SNTG1: variants seen among roughly 807,000 people sequenced by gnomAD.
The protein encoded by SNTG1 is syntrophin gamma 1.
Under a neutral mutation model 74.7 loss-of-function variants are expected in SNTG1, and 39 were observed. The ratio of observed to expected loss-of-function variants is 0.52; its 90% CI spans 0.40 to 0.68. SNTG1 has a LOEUF of 0.68. SNTG1 is among the 30% of genes least tolerant of loss of function. The pLI, the probability that SNTG1 is intolerant of heterozygous loss-of-function variation, is 0.00. For synonymous variants in SNTG1, 254 were observed against 217.1 expected, an observed-to-expected ratio of 1.17 and a Z score of -1.49; for missense variants, 685 against 609.5, an observed-to-expected ratio of 1.12 and a Z score of -1.30.
At chr8:50,082,458 T>G (rs549046168) in intron 1 of SNTG1, among the ~76,000 whole-genome samples, 1 of 152,320 alleles carries the variant, frequency 6.6e-6, no homozygotes, top group South Asian at 2.1e-4. Context: ...TTGTGAAGTC[T>G]TTCTTCCTGA....
chr8:50,788,212 A>G (rs917827367), intron 18 of SNTG1, among the ~76,000 whole-genome samples: 5 of 152,116 alleles, frequency 3.3e-5, no homozygotes, highest in Non-Finnish European at 5.9e-5. Context: ...GGCCTGGAAG[A>G]AGAGATGACA....
intron 8 of SNTG1, among the ~76,000 whole-genome samples, chr8:50,476,851 C>T (rs1196178436): frequency 8.8e-6 from 1 of 113,202 alleles, no homozygotes; most frequent in Non-Finnish European, 1.8e-5. Context: ...GCCTGTGACA[C>T]ACACAGACAC....
intron 12 of SNTG1, among the ~76,000 whole-genome samples, chr8:50,554,477 C>CTT (rs11435822): frequency 4.0e-4 from 56 of 141,188 alleles, no homozygotes; most frequent in South Asian, 2.3e-3. Flanking sequence ...ACAGATTTTC[C>CTT]TTTTTTTTTT....
At chr8:49,945,014 C>A (rs1379956761) in intron 1 of SNTG1, among the ~76,000 whole-genome samples, 3 of 152,064 alleles carry the variant, frequency 2.0e-5, no homozygotes, top group Admixed American at 6.6e-5. Flanking sequence ...TATATTCTTA[C>A]TTCTTTAATC....
At chr8:50,791,674 A>T (rs1391476907) in intron 18 of SNTG1, among the ~76,000 whole-genome samples, 1 of 151,870 alleles carries the variant, frequency 6.6e-6, no homozygotes, top group Admixed American at 6.6e-5. Context: ...TTTATTACAT[A>T]TATGTAGTGA....
chr8:50,057,899 T>C lies in SNTG1; in HGVS notation c.-102-114662T>C, dbSNP rs1586085986. 2.0e-5 allele frequency among the ~76,000 whole-genome samples: 3 copies of C among 152,278 alleles called. No homozygotes were observed. The South Asian group carries it at 6.2e-4, about 32-fold the overall frequency. On this transcript the variant is annotated intron_variant, in intron 1 of 18. Transcript: ENST00000642720. ...GAATAATATGCACACAGTTTTTGAA[T>C]GATATGTTTTTCAGACAGTGATAGT...
intron 2 of SNTG1, among the ~76,000 whole-genome samples, chr8:50,221,416 A>G (rs2085059278): frequency 1.3e-5 from 2 of 151,878 alleles, no homozygotes; most frequent in South Asian, 4.1e-4. Context: ...ATATAAGATC[A>G]ACGTGGCAAA....
chr8:50,780,216 T>C (rs370640757), intron 18 of SNTG1, among the ~76,000 whole-genome samples: 1 of 152,176 alleles, frequency 6.6e-6, no homozygotes, highest in South Asian at 2.1e-4. Context: ...TGCTGGCCTC[T>C]TAAAATGAGT....
intron 13 of SNTG1, among the ~76,000 whole-genome samples, chr8:50,616,642 A>G (rs1436988944): frequency 1.3e-5 from 2 of 152,120 alleles, no homozygotes; most frequent in Non-Finnish European, 2.9e-5. Flanking sequence ...CCTCCCCCTC[A>G]GCTTCTCAGA....
intron 2 of SNTG1, among the ~76,000 whole-genome samples, chr8:50,259,647 A>G (rs1352232815): frequency 1.3e-5 from 2 of 152,142 alleles, no homozygotes; most frequent in Non-Finnish European, 2.9e-5. Context: ...ATCTTAAAAG[A>G]ACGACTAAAG....
rs1354327220 is a variant in SNTG1, at chr8:49,912,189, C to A, written c.-145C>A. 1 of 152,120 alleles carries A rather than the reference C, an allele frequency of 6.6e-6. No individual in the cohort carries two copies. Among genetic ancestry groups the A allele is most frequent in the Non-Finnish European group, 1.5e-5 (1 of 68,028 alleles). 9.4% of individuals were successfully genotyped at this position (152,120 alleles called of 1,614,324 possible). On this transcript the variant is annotated 5_prime_UTR_variant, in exon 1 of 19. Transcript: ENST00000642720. ...GGGTGGAGAGCTACTCAAAATTCTA[C>A]GTTAGAGAGACTGAAAAGACATCTA... is the stretch of plus-strand genomic sequence containing the variant.
chr8:50,293,415 T>A (rs916128619), intron 2 of SNTG1, among the ~76,000 whole-genome samples: 1 of 148,560 alleles, frequency 6.7e-6, no homozygotes, highest in African/African-American at 2.4e-5. Context: ...TTTTTTTTTT[T>A]TCTTTTTTTT....
chr8:50,211,440 T>C (rs2084517527), intron 2 of SNTG1, among the ~76,000 whole-genome samples: 1 of 152,144 alleles, frequency 6.6e-6, no homozygotes, highest in African/African-American at 2.4e-5. Flanking sequence ...ATGTACTTGG[T>C]GCCATGCATT....
chr8:50,108,582 T>G (rs561698305), intron 1 of SNTG1, among the ~76,000 whole-genome samples: 1 of 152,270 alleles, frequency 6.6e-6, no homozygotes, highest in Non-Finnish European at 1.5e-5. Context: ...CCACAAAACT[T>G]TCGGTAAAAT....
At chr8:50,133,977 C>T (rs927021268) in intron 1 of SNTG1, among the ~76,000 whole-genome samples, 6 of 152,184 alleles carry the variant, frequency 3.9e-5, no homozygotes, top group Non-Finnish European at 8.8e-5. Flanking sequence ...GCCTGGGATG[C>T]TTAGCAAGAC....
intron 18 of SNTG1, among the ~76,000 whole-genome samples, chr8:50,785,880 ATACACCG>A (rs1363585521): frequency 6.6e-6 from 1 of 152,020 alleles, no homozygotes; most frequent in Non-Finnish European, 1.5e-5. Flanking sequence ...AATCAGAGCA[ATACACCG>A]TATTAATTGA....
chr8:50,250,788 G>C (rs141138740), intron 2 of SNTG1, among the ~76,000 whole-genome samples: 1 of 151,908 alleles, frequency 6.6e-6, no homozygotes, highest in African/African-American at 2.4e-5. Flanking sequence ...AAAGACCTTC[G>C]CAGACAAGCA....
intron 12 of SNTG1, among the ~76,000 whole-genome samples, chr8:50,564,825 C>T (rs2094507011): frequency 6.6e-6 from 1 of 152,006 alleles, no homozygotes; most frequent in Non-Finnish European, 1.5e-5. Context: ...GTGGATGTTA[C>T]AATCTCCAAT....
chr8:50,190,338 A>T (rs2083525240), intron 2 of SNTG1, among the ~76,000 whole-genome samples: 1 of 152,176 alleles, frequency 6.6e-6, no homozygotes, highest in Non-Finnish European at 1.5e-5. Context: ...CAGTCAGAAC[A>T]AAAGGTGGTA....
Sources: allele counts gnomAD v4.1 joint callset (sites outside exome capture counted in the v4.1 genomes callset), GRCh38; gene constraint gnomAD v4.1.1; transcripts MANE v1.5; gene names NCBI Gene and HGNC (gene_info 2026-07-23, HGNC 2026-07-21).